Variants in GPATCH1 observed in about 807,000 individuals in gnomAD.
GPATCH1 encodes G-patch domain containing 1, also known as G patch domain-containing protein 1.
A neutral mutation model predicts 114.9 loss-of-function variants in GPATCH1; 73 were observed. That is an observed-to-expected ratio of 0.64 (90% CI 0.53 to 0.77). The LOEUF (loss-of-function observed/expected upper bound fraction) is 0.77. GPATCH1 is among the 30% of genes least tolerant of loss of function. GPATCH1 has a pLI of 0.00. For synonymous variants in GPATCH1, 391 were observed against 428.4 expected (o/e 0.91, Z 1.08); for missense variants, 1,058 against 1,144.3 (o/e 0.92, Z 1.09).
chr19:33,087,840 C>T (rs971559928), intron 1 of GPATCH1, among the ~76,000 whole-genome samples: 4 of 151,692 alleles, frequency 2.6e-5, no homozygotes, highest in African/African-American at 4.8e-5. Context: ...TCTGCCACCA[C>T]GCCCGGTTAA....
chr19:33,097,746 T>G lies in GPATCH1; in HGVS notation c.853-9T>G. On this transcript the variant is annotated splice_polypyrimidine_tract_variant and intron_variant, in intron 7 of 19. Transcript: ENST00000170564. ...CCTGTGCTCAGTTTGAAACCTTGTT[T>G]TTTTAAAGGCTTTTGGTGTAGGTGC... 6.2e-7 allele frequency: 1 copy of G among 1,613,764 alleles called. No individual in the cohort carries two copies.
At chr19:33,108,776 G>T (rs1216221545) in intron 10 of GPATCH1, among the ~76,000 whole-genome samples, 1 of 152,182 alleles carries the variant, frequency 6.6e-6, no homozygotes, top group Non-Finnish European at 1.5e-5. Flanking sequence ...TGTCCCATTG[G>T]TGAGGGCTTG....
At chr19:33,096,853 T>C (rs1972666052) in intron 7 of GPATCH1, among the ~76,000 whole-genome samples, 1 of 152,156 alleles carries the variant, frequency 6.6e-6, no homozygotes, top group Non-Finnish European at 1.5e-5. Context: ...GGTCTCGAAC[T>C]CCTGACTTCA....
intron 3 of GPATCH1, among the ~76,000 whole-genome samples, chr19:33,091,955 C>G (rs928097068): frequency 6.6e-6 from 1 of 152,028 alleles, no homozygotes; most frequent in Non-Finnish European, 1.5e-5. Flanking sequence ...TATACTACCT[C>G]TCCTCATGAT....
intron 11 of GPATCH1, 102 bp downstream of exon 11, chr19:33,110,118 G>A: frequency 9.3e-7 from 1 of 1,070,122 alleles, no homozygotes. Context: ...ATCCTGTTCT[G>A]TCAGTGTTTT....
At chr19:33,103,115 T>C (rs1220501393) in intron 9 of GPATCH1, among the ~76,000 whole-genome samples, 1 of 152,048 alleles carries the variant, frequency 6.6e-6, no homozygotes, top group Non-Finnish European at 1.5e-5. Flanking sequence ...CCAGGAGGGG[T>C]GTCTGGCCAT....
intron 18 of GPATCH1, 100 bp downstream of exon 18, chr19:33,125,302 C>G (rs1184817412): frequency 7.6e-7 from 1 of 1,312,370 alleles, no homozygotes; most frequent in African/African-American, 1.5e-5. Flanking sequence ...GATCTGGTGG[C>G]CAAGTCACAG....
At chr19:33,112,039 C>T in intron 12 of GPATCH1, 137 bp downstream of exon 12, 1 of 608,640 alleles carries the variant, frequency 1.6e-6, no homozygotes, top group Non-Finnish European at 2.8e-6. Context: ...GATCTCGGCT[C>T]ACTGCAGCCT....
Position 33,118,015 on chromosome 19 carries a change from T to G in GPATCH1, c.2387T>G (p.Leu796Trp). 6.2e-7 allele frequency: 1 copy of G among 1,613,508 alleles called. No homozygotes were observed. Among genetic ancestry groups the G allele is most frequent in the Non-Finnish European group, 8.5e-7 (1 of 1,179,700 alleles). ...ANFQSSQDTDLGETSSVAHAL... is the reference protein window; with the variant it reads ...ANFQSSQDTDWGETSSVAHAL... ...TTCCAAAGCTCCCAAGACACTGACT[T>G]GGGGGAAACATCATCTGTGGCTCAC... The change falls in exon 16 of 20, where the codon TTG (leucine) becomes TGG (tryptophan). Residue 796 changes from leucine to tryptophan, a missense_variant. By Grantham distance (61) the Leu-to-Trp change is moderately conservative. Around this residue, in one of 3 missense-constraint regions of GPATCH1, gnomAD observed 893 missense variants for 977.4 expected, o/e 0.91. Coordinates refer to ENST00000170564, the MANE Select transcript of GPATCH1 (RefSeq NM_018025.3).
In GPATCH1 at chr19:33,125,143, C is replaced by A; in HGVS notation, c.2560C>A (p.His854Asn). ...ACTTGAGGTTCCTCAAAAAGAGAAA[C>A]ATAAAAAGAACAAAGACAAGCACAA... Reference protein sequence around the residue: ...QTLEVPQKEKHKKNKDKHKAK... With the variant: ...QTLEVPQKEKNKKNKDKHKAK... The change falls in exon 18 of 20, where the codon CAT (histidine) becomes AAT (asparagine). Residue 854 changes from histidine (H) to asparagine (N), a missense_variant. This residue lies in a region of GPATCH1 where 893 missense variants were observed against 977.4 expected (regional missense o/e 0.91). Coordinates refer to ENST00000170564, the MANE Select transcript of GPATCH1 (RefSeq NM_018025.3). The A allele has an allele frequency of 6.2e-7, 1 of 1,601,076 alleles. No individual in the cohort carries two copies. Among genetic ancestry groups the A allele is most frequent in the Admixed American group, 1.7e-5 (1 of 58,326 alleles).
At chr19:33,110,053 G>C (rs150256457) in intron 11 of GPATCH1, 37 bp downstream of exon 11, 1 of 1,532,552 alleles carries the variant, frequency 6.5e-7, no homozygotes, top group Admixed American at 1.9e-5. Flanking sequence ...ATCTCGGCCC[G>C]GGCGGGGTCA....
At chr19:33,107,731 C>G (rs1972801384) in intron 10 of GPATCH1, among the ~76,000 whole-genome samples, 1 of 152,110 alleles carries the variant, frequency 6.6e-6, no homozygotes, top group Non-Finnish European at 1.5e-5. Context: ...TCCCCACCCC[C>G]ATCACACACT....
intron 1 of GPATCH1, among the ~76,000 whole-genome samples, chr19:33,086,078 A>G (rs919544393): frequency 1.3e-5 from 2 of 152,234 alleles, no homozygotes; most frequent in African/African-American, 4.8e-5. Context: ...CTATAGGCCC[A>G]GGATGCTGCT....
Position 33,104,175 on chromosome 19 carries a change from CA to C in GPATCH1, c.1081-2505del, listed in dbSNP as rs778465436. Among the ~76,000 whole-genome samples the C allele has an allele frequency of 0.031, 3,923 of 125,238 alleles. 329 individuals are homozygous for C. The East Asian group carries it at 0.35, about 11-fold the overall frequency. The allele number at this position is 125,238 out of a possible 152,430, so 82.2% of individuals were successfully genotyped here. On this transcript the variant is annotated intron_variant, in intron 9 of 19. Coordinates refer to ENST00000170564, the MANE Select transcript of GPATCH1 (RefSeq NM_018025.3). ...TGAAACCCCATCTCTACAAAAAATA[CA>C]AAAAAAAAAAAAAATTAGCTGGGTG...
chr19:33,106,306 T>G (rs1972784121), intron 9 of GPATCH1, among the ~76,000 whole-genome samples: 1 of 152,108 alleles, frequency 6.6e-6, no homozygotes, highest in Non-Finnish European at 1.5e-5. Flanking sequence ...GCCCAGCCAT[T>G]ATTTTCCTCC....
In GPATCH1 at chr19:33,106,904, G is replaced by C; in HGVS notation, c.1285+5G>C. 2 of 1,599,924 alleles carry C rather than the reference G, an allele frequency of 1.3e-6. No homozygotes were observed. The highest frequency in any genetic ancestry group is 1.7e-6 in the Non-Finnish European group (2 of 1,168,378). On this transcript the variant is annotated splice_donor_5th_base_variant and intron_variant, in intron 10 of 19. Transcript: ENST00000170564. ...TTGGAGAGACGCCTATTCAAGGTAT[G>C]TGCCATGGAGAAGACGGAAATCATT...
At chr19:33,084,625 G>A (rs1972515475) in intron 1 of GPATCH1, among the ~76,000 whole-genome samples, 1 of 150,958 alleles carries the variant, frequency 6.6e-6, no homozygotes, top group Admixed American at 6.6e-5. Flanking sequence ...CCGTTAGACT[G>A]GACTTTCTCA....
At chr19:33,099,988 C>G (rs1428814816) in intron 8 of GPATCH1, among the ~76,000 whole-genome samples, 2 of 151,856 alleles carry the variant, frequency 1.3e-5, no homozygotes, top group African/African-American at 2.4e-5. Context: ...CCAGGCTGGT[C>G]TTGAACTCCC....
At chr19:33,117,716 G>A (rs758775735) in intron 15 of GPATCH1, 109 bp from the exon 16 acceptor site, 3 of 758,932 alleles carry the variant, frequency 4.0e-6, no homozygotes, top group South Asian at 1.6e-5. Flanking sequence ...GGATACCCAT[G>A]TACATGAGCA....
Sources: allele counts gnomAD v4.1 joint callset (sites outside exome capture counted in the v4.1 genomes callset), GRCh38; gene constraint gnomAD v4.1.1; regional missense constraint gnomAD v4.1.1; transcripts MANE v1.5; gene names NCBI Gene and HGNC (gene_info 2026-07-23, HGNC 2026-07-21).